Variants in PLCL1 observed in about 807,000 individuals in gnomAD.
The protein encoded by PLCL1 is phospholipase C like 1 (inactive), also known as inactive phospholipase C-like protein 1.
PLCL1 carries 41 observed loss-of-function variants against 84.4 expected under a neutral mutation model. That is an observed-to-expected ratio of 0.49 (90% CI 0.38 to 0.63). PLCL1 has a LOEUF of 0.63. Ranked by LOEUF, PLCL1 falls within the 30% of genes least tolerant of loss-of-function variation. PLCL1 has a pLI of 0.00. For synonymous variants in PLCL1, 490 were observed against 488.3 expected, an observed-to-expected ratio of 1.00 and a Z score of -0.05; for missense variants, 1,206 against 1,367.8, an observed-to-expected ratio of 0.88 and a Z score of 1.87.
chr2:197,914,332 A>AT (rs111348712), intron 1 of PLCL1, among the ~76,000 whole-genome samples: 2,735 of 145,182 alleles, frequency 0.019, 39 homozygotes, highest in East Asian at 0.039. Context: ...TTTTTATGTT[A>AT]TTTTTTTTTT....
At chr2:198,063,137 A>G (rs74343044) in intron 1 of PLCL1, among the ~76,000 whole-genome samples, 3,138 of 150,464 alleles carry the variant, frequency 0.021, 106 homozygotes, top group African/African-American at 0.075. Flanking sequence ...ACTTAATACT[A>G]TACTAAGTAC....
intron 1 of PLCL1, among the ~76,000 whole-genome samples, chr2:198,081,900 A>G (rs974079471): frequency 3.3e-5 from 5 of 152,210 alleles, no homozygotes; most frequent in East Asian, 1.9e-4. Flanking sequence ...AATGAAGGAT[A>G]TGGTCCAGAC....
At chr2:197,923,261 C>T (rs1381828890) in intron 1 of PLCL1, among the ~76,000 whole-genome samples, 7 of 147,914 alleles carry the variant, frequency 4.7e-5, no homozygotes, top group Admixed American at 1.3e-4. Flanking sequence ...GGGGCTGACC[C>T]CCCCCACCTC....
intron 1 of PLCL1, among the ~76,000 whole-genome samples, chr2:197,870,884 C>T (rs759987956): frequency 1.3e-5 from 2 of 152,070 alleles, no homozygotes; most frequent in Admixed American, 6.6e-5. Flanking sequence ...CAGGCTGCCC[C>T]TATTCCTTAT....
At chr2:198,018,846 A>G (rs1022031679) in intron 1 of PLCL1, among the ~76,000 whole-genome samples, 39 of 152,170 alleles carry the variant, frequency 2.6e-4, no homozygotes, top group African/African-American at 9.4e-4. Flanking sequence ...CTCTAAAGAG[A>G]GCAACGGATC....
chr2:198,122,755 A>T (rs972471093), intron 5 of PLCL1, among the ~76,000 whole-genome samples: 5 of 152,154 alleles, frequency 3.3e-5, no homozygotes, highest in Non-Finnish European at 7.4e-5. Context: ...CCAGTTTTAA[A>T]ATATATTTTT....
chr2:197,873,213 C>T (rs536065791), intron 1 of PLCL1, among the ~76,000 whole-genome samples: 2 of 151,918 alleles, frequency 1.3e-5, no homozygotes, highest in Admixed American at 1.3e-4. Flanking sequence ...TCTATTAATA[C>T]ACATATCACA....
chr2:197,843,196 G>T (rs1394323396), intron 1 of PLCL1, among the ~76,000 whole-genome samples: 2 of 152,138 alleles, frequency 1.3e-5, no homozygotes, highest in Non-Finnish European at 2.9e-5. Context: ...AACCAGGTCA[G>T]CAAGAGATTG....
intron 1 of PLCL1, among the ~76,000 whole-genome samples, chr2:197,891,390 G>A (rs1688024386): frequency 6.6e-6 from 1 of 152,104 alleles, no homozygotes; most frequent in South Asian, 2.1e-4. Context: ...TCCCAGTTCT[G>A]TCTCCCAGAG....
intron 1 of PLCL1, among the ~76,000 whole-genome samples, chr2:197,969,380 C>T (rs1222321868): frequency 6.6e-6 from 1 of 152,162 alleles, no homozygotes; most frequent in African/African-American, 2.4e-5. Context: ...CAAGGCTAGA[C>T]TCTGAGTTAA....
intron 1 of PLCL1, among the ~76,000 whole-genome samples, chr2:197,905,461 G>T (rs1348552990): frequency 6.6e-6 from 1 of 152,214 alleles, no homozygotes; most frequent in African/African-American, 2.4e-5. Flanking sequence ...ATTCCATGCT[G>T]TATATGTGCC....
At chr2:197,908,957 G>T (rs926716307) in intron 1 of PLCL1, among the ~76,000 whole-genome samples, 3 of 152,276 alleles carry the variant, frequency 2.0e-5, no homozygotes, top group East Asian at 1.9e-4. Context: ...GATGATAATG[G>T]TTATTTAAAA....
chr2:197,928,731 T>C (rs1341904346), intron 1 of PLCL1, among the ~76,000 whole-genome samples: 1 of 152,206 alleles, frequency 6.6e-6, no homozygotes, highest in Non-Finnish European at 1.5e-5. Flanking sequence ...TGTCTTCACC[T>C]TTGCTTAGTT....
At chr2:198,117,816 C>G (rs1197339248) in intron 5 of PLCL1, among the ~76,000 whole-genome samples, 2 of 151,742 alleles carry the variant, frequency 1.3e-5, no homozygotes, top group African/African-American at 4.8e-5. Context: ...ATTGTGTATC[C>G]TCTGAGTCAG....
intron 1 of PLCL1, among the ~76,000 whole-genome samples, chr2:198,015,171 A>G (rs979503344): frequency 5.9e-5 from 9 of 152,098 alleles, no homozygotes; most frequent in African/African-American, 2.2e-4. Context: ...TTATAACTGC[A>G]TGTTGGTTAT....
At chr2:197,948,325 C>T (rs1228887397) in intron 1 of PLCL1, among the ~76,000 whole-genome samples, 1 of 152,078 alleles carries the variant, frequency 6.6e-6, no homozygotes, top group East Asian at 1.9e-4. Context: ...TTTATTAACT[C>T]CAAGATGCCT....
At chr2:198,106,869 T>G (rs1367260349) in intron 5 of PLCL1, among the ~76,000 whole-genome samples, 4 of 151,902 alleles carry the variant, frequency 2.6e-5, no homozygotes, top group Admixed American at 2.6e-4. Context: ...GGGGTTGAAA[T>G]TTCTTGCCTG....
chr2:197,968,251 G>T (rs1313905440), intron 1 of PLCL1, among the ~76,000 whole-genome samples: 1 of 152,094 alleles, frequency 6.6e-6, no homozygotes, highest in Non-Finnish European at 1.5e-5. Context: ...TAACATGCAT[G>T]GAAATCTGGC....
intron 1 of PLCL1, among the ~76,000 whole-genome samples, chr2:198,013,620 T>C (rs1450587020): frequency 2.0e-5 from 3 of 152,086 alleles, no homozygotes; most frequent in Non-Finnish European, 4.4e-5. Flanking sequence ...AAGCGTATCA[T>C]AGGTGGTCTG....
Sources: allele counts gnomAD v4.1 joint callset (sites outside exome capture counted in the v4.1 genomes callset), GRCh38; gene constraint gnomAD v4.1.1; transcripts MANE v1.5; gene names NCBI Gene and HGNC (gene_info 2026-07-23, HGNC 2026-07-21).